SMC1B: variants seen among roughly 807,000 people sequenced by gnomAD.
SMC1B encodes structural maintenance of chromosomes protein 1B.
A neutral mutation model predicts 157.9 loss-of-function variants in SMC1B; 60 were observed. The observed-to-expected ratio is 0.38, with a 90% CI of 0.31 to 0.47. The LOEUF is 0.47. SMC1B is among the 20% of genes least tolerant of loss of function. The pLI is 0.99. For missense variants in SMC1B, 1,165 were observed against 1,426.2 expected (o/e 0.82, Z 2.95); for synonymous variants, 445 against 483.0 (o/e 0.92, Z 1.03).
chr22:45,359,994 CATT>C, intron 17 of SMC1B, 36 bp from the exon 18 acceptor site: 1 of 1,542,392 alleles, frequency 6.5e-7, no homozygotes, highest in Non-Finnish European at 8.9e-7. Context: ...TAATTTTACT[CATT>C]ATGTAACACT....
Position 45,393,837 on chromosome 22 carries a change from A to C in SMC1B, c.1342T>G (p.Cys448Gly). The C allele has an allele frequency of 6.2e-7, 1 of 1,603,664 alleles. No homozygotes were observed. The highest frequency in any genetic ancestry group is 8.5e-7 in the Non-Finnish European group (1 of 1,174,292). The change falls in exon 9 of 25, where the codon TGC becomes GGC. Residue 448 changes from cysteine (C) to glycine (G), a missense_variant. Coordinates refer to ENST00000357450, the MANE Select transcript of SMC1B (RefSeq NM_148674.5). Reference protein sequence around the residue: ...LEEYTKTCMDCLKEKKQQEET... With the variant: ...LEEYTKTCMDGLKEKKQQEET... Reference sequence around the variant, plus strand: ...TCTTGCTGTTTTTTCTCTTTCAAGCAATCCCTACAAAATAACAACAAATTA... The same window carrying C: ...TCTTGCTGTTTTTTCTCTTTCAAGCCATCCCTACAAAATAACAACAAATTA...
intron 23 of SMC1B, among the ~76,000 whole-genome samples, chr22:45,345,786 T>C (rs1008274655): frequency 1.5e-4 from 23 of 152,306 alleles, no homozygotes; most frequent in Non-Finnish European, 3.2e-4. Flanking sequence ...ACTTTAAGAA[T>C]ATTTTAAAGA....
At chr22:45,372,583 G>A (rs1343595681) in intron 12 of SMC1B, among the ~76,000 whole-genome samples, 1 of 152,108 alleles carries the variant, frequency 6.6e-6, no homozygotes, top group Non-Finnish European at 1.5e-5. Flanking sequence ...GACATAAATA[G>A]GATCATGTAA....
intron 9 of SMC1B, among the ~76,000 whole-genome samples, chr22:45,391,959 T>C (rs1455631662): frequency 6.6e-6 from 1 of 151,906 alleles, no homozygotes; most frequent in South Asian, 2.1e-4. Context: ...CCAGTGTTTT[T>C]TTGTTTTTGT....
chr22:45,348,485 G>C (rs1343620137), intron 23 of SMC1B, among the ~76,000 whole-genome samples: 1 of 152,106 alleles, frequency 6.6e-6, no homozygotes, highest in East Asian at 1.9e-4. Context: ...TAATTCTTTT[G>C]GAATTTAGAG....
intron 10 of SMC1B, 88 bp from the exon 11 acceptor site, chr22:45,387,134 C>G: frequency 1.8e-6 from 2 of 1,138,146 alleles, no homozygotes; most frequent in Non-Finnish European, 2.5e-6. Context: ...AACATATATA[C>G]GCATGGCAGC....
intron 17 of SMC1B, among the ~76,000 whole-genome samples, chr22:45,361,490 G>A (rs2086721236): frequency 6.6e-6 from 1 of 152,078 alleles, no homozygotes; most frequent in African/African-American, 2.4e-5. Context: ...GCTGGGCATG[G>A]TGGTGTGCTC....
At position 45,354,834 on chromosome 22, in the gene SMC1B, A is replaced by T. The variant is rs968197544; in HGVS notation, c.3118+125T>A. ...GATTCAGTATTAAAAGCACACATTA[A>T]TATAAGACCACAGAGGAAAAAATCT... On this transcript the variant is annotated intron_variant, in intron 20 of 24. Transcript: ENST00000357450. 4.6e-5 allele frequency: 37 copies of T among 800,146 alleles called. No homozygotes were observed. In the Admixed American group the frequency reaches 6.3e-4, roughly 14 times the overall value. 49.6% of individuals were successfully genotyped at this position (800,146 alleles called of 1,614,324 possible). A position where few individuals can be genotyped will look rare whatever the true frequency, so the allele number is the denominator to read the frequency against.
intron 9 of SMC1B, among the ~76,000 whole-genome samples, chr22:45,390,620 G>A (rs1054792287): frequency 6.6e-6 from 1 of 151,756 alleles, no homozygotes; most frequent in Admixed American, 6.6e-5. Flanking sequence ...CAGGAGAATC[G>A]CTTGAACTCG....
At chr22:45,355,214 G>A in intron 19 of SMC1B, 99 bp from the exon 20 acceptor site, 1 of 1,164,736 alleles carries the variant, frequency 8.6e-7, no homozygotes. Flanking sequence ...CCAGGTCCCT[G>A]TGCATCCACT....
chr22:45,388,184 A>T (rs1039306746), intron 10 of SMC1B, among the ~76,000 whole-genome samples: 1 of 152,220 alleles, frequency 6.6e-6, no homozygotes, highest in African/African-American at 2.4e-5. Flanking sequence ...AGCAAGTATG[A>T]TCTCACTTTT....
At chr22:45,398,547 C>T (rs919943140) in intron 6 of SMC1B, among the ~76,000 whole-genome samples, 16 of 152,106 alleles carry the variant, frequency 1.1e-4, no homozygotes, top group Non-Finnish European at 1.5e-4. Context: ...AATCCTGCAT[C>T]GGCCGGGCAT....
At chr22:45,387,825 A>T (rs1319039474) in intron 10 of SMC1B, among the ~76,000 whole-genome samples, 1 of 152,174 alleles carries the variant, frequency 6.6e-6, no homozygotes, top group African/African-American at 2.4e-5. Context: ...TGAGGTCAGG[A>T]GTTCAAGACC....
rs972761676 is a variant in SMC1B, at chr22:45,372,213, T to C, written c.2138A>G (p.Lys713Arg). Residue 713 changes from lysine (K) to arginine (R), a missense_variant, in exon 13 of 25, where the codon AAA becomes AGA. Lys to Arg is a conservative substitution (Grantham distance 26). Transcript: ENST00000357450. ...TLIQGTQTRLKYSQNELEMIK... is the reference protein window; with the variant it reads ...TLIQGTQTRLRYSQNELEMIK... ...CATCTCTAGTTCATTTTGTGAATAT[T>C]TGAGTCGTGTTTGAGTTCCCTGTAT... The C allele has an allele frequency of 6.8e-6, 11 of 1,612,748 alleles. No homozygotes were observed. Among genetic ancestry groups the C allele is most frequent in the Admixed American group, 3.3e-5 (2 of 59,840 alleles).
intron 4 of SMC1B, among the ~76,000 whole-genome samples, chr22:45,402,904 G>C (rs563166714): frequency 6.6e-6 from 1 of 152,278 alleles, no homozygotes; most frequent in African/African-American, 2.4e-5. Context: ...TTTGTAAACT[G>C]AAAGAAGAGT....
Position 45,393,738 on chromosome 22 carries a change from T to C in SMC1B, c.1441A>G (p.Arg481Gly), listed in dbSNP as rs748297883. The change falls in exon 9 of 25, where the codon AGA becomes GGA. Residue 481 changes from arginine (R) to glycine (G), a missense_variant. By Grantham distance (125) the Arg-to-Gly change is moderately radical (BLOSUM62 -2). Transcript: ENST00000357450. ...ATCCCAGCATTCTGCAATTCACTTC[T>C]AATAAGATTCAATTCTTCATTAACT... ...SEVNEELNLI[R>G]SELQNAGIDT... 6.2e-7 allele frequency: 1 copy of C among 1,613,972 alleles called. No homozygotes were observed. Among genetic ancestry groups the C allele is most frequent in the South Asian group, 1.1e-5 (1 of 91,086 alleles).
chr22:45,354,515 C>T (rs981012513), intron 20 of SMC1B, among the ~76,000 whole-genome samples: 4 of 152,024 alleles, frequency 2.6e-5, no homozygotes, highest in East Asian at 1.9e-4. Flanking sequence ...CTCAGCCTCC[C>T]GAGTAGCTGG....
At chr22:45,380,277 G>A (rs1246364024) in intron 12 of SMC1B, among the ~76,000 whole-genome samples, 1 of 152,088 alleles carries the variant, frequency 6.6e-6, no homozygotes, top group Non-Finnish European at 1.5e-5. Context: ...TAACCTATAG[G>A]TTAAGGAGTT....
intron 9 of SMC1B, among the ~76,000 whole-genome samples, chr22:45,391,285 G>A (rs1319672585): frequency 6.6e-6 from 1 of 151,994 alleles, no homozygotes; most frequent in African/African-American, 2.4e-5. Flanking sequence ...TAATTATTCA[G>A]TAATAATGCC....
Sources: allele counts gnomAD v4.1 joint callset (sites outside exome capture counted in the v4.1 genomes callset), GRCh38; gene constraint gnomAD v4.1.1; transcripts MANE v1.5; gene names NCBI Gene and HGNC (gene_info 2026-07-23, HGNC 2026-07-21).